Variants in FBXL7 observed in about 807,000 individuals in gnomAD.
FBXL7 encodes the protein F-box/LRR-repeat protein 7.
In FBXL7, 12 loss-of-function variants were observed where a neutral mutation model predicts 38.3. The observed-to-expected ratio is 0.31, with a 90% CI of 0.20 to 0.51. The LOEUF (loss-of-function observed/expected upper bound fraction) is 0.51. Among genes scored for constraint, FBXL7 ranks in the 20% least tolerant of loss-of-function variants. The pLI, the probability that FBXL7 is intolerant of heterozygous loss-of-function variation, is 0.98. For synonymous variants in FBXL7, 297 were observed against 300.9 expected, an observed-to-expected ratio of 0.99 and a Z score of 0.13; for missense variants, 567 against 676.4, an observed-to-expected ratio of 0.84 and a Z score of 1.79.
intron 1 of FBXL7, among the ~76,000 whole-genome samples, chr5:15,526,443 A>G (rs776487062): frequency 1.6e-4 from 24 of 152,322 alleles, no homozygotes; most frequent in Middle Eastern, 3.4e-3. Flanking sequence ...CAAGAATTCC[A>G]AAGGCGTCTT....
chr5:15,863,345 T>A (rs1739561429), intron 2 of FBXL7, among the ~76,000 whole-genome samples: 1 of 152,202 alleles, frequency 6.6e-6, no homozygotes, highest in Admixed American at 6.5e-5. Flanking sequence ...TAAGGGCCCA[T>A]TTTTATTTAA....
intron 2 of FBXL7, among the ~76,000 whole-genome samples, chr5:15,671,567 G>A (rs1742478465): frequency 2.0e-5 from 3 of 152,074 alleles, no homozygotes; most frequent in Non-Finnish European, 4.4e-5. Flanking sequence ...CTTGATCTTA[G>A]CCGAAAGGCT....
chr5:15,538,599 G>A (rs1222743536), intron 1 of FBXL7, among the ~76,000 whole-genome samples: 4 of 152,208 alleles, frequency 2.6e-5, no homozygotes, highest in Non-Finnish European at 5.9e-5. Context: ...TTTTCAAGAA[G>A]TTACTGGCAT....
chr5:15,899,119 T>G (rs547440628), intron 2 of FBXL7, among the ~76,000 whole-genome samples: 27 of 152,242 alleles, frequency 1.8e-4, no homozygotes, highest in African/African-American at 6.3e-4. Flanking sequence ...CAGGCTGGAG[T>G]GCAATGGTGC....
At chr5:15,758,349 G>A (rs917012673) in intron 2 of FBXL7, among the ~76,000 whole-genome samples, 1 of 151,126 alleles carries the variant, frequency 6.6e-6, no homozygotes, top group Non-Finnish European at 1.5e-5. Flanking sequence ...GCAGGTACAT[G>A]TGCAGGTTTG....
intron 2 of FBXL7, among the ~76,000 whole-genome samples, chr5:15,788,571 C>T (rs968889691): frequency 1.3e-5 from 2 of 152,190 alleles, no homozygotes; most frequent in African/African-American, 4.8e-5. Flanking sequence ...GCCTCCACCT[C>T]CTTGAACCTT....
At chr5:15,848,947 A>AT (rs1739011511) in intron 2 of FBXL7, among the ~76,000 whole-genome samples, 2 of 152,174 alleles carry the variant, frequency 1.3e-5, no homozygotes, top group African/African-American at 4.8e-5. Context: ...AGTCTGGATT[A>AT]TTGTCTCTTT....
chr5:15,746,552 A>G (rs1046827104), intron 2 of FBXL7, among the ~76,000 whole-genome samples: 1 of 151,914 alleles, frequency 6.6e-6, no homozygotes, highest in African/African-American at 2.4e-5. Flanking sequence ...GGAGTGAGGG[A>G]TTTCTCTGTG....
chr5:15,515,488 A>G (rs755168747), intron 1 of FBXL7, among the ~76,000 whole-genome samples: 4 of 152,152 alleles, frequency 2.6e-5, no homozygotes, highest in Non-Finnish European at 5.9e-5. Context: ...CGTTTGCTCA[A>G]CTGGTGTGGA....
intron 1 of FBXL7, among the ~76,000 whole-genome samples, chr5:15,576,835 C>A (rs1738982878): frequency 1.3e-5 from 2 of 152,082 alleles, no homozygotes; most frequent in Admixed American, 1.3e-4. Flanking sequence ...CACCATTTTT[C>A]TGCTACTCTG....
At chr5:15,503,063 C>A (rs1736541312) in intron 1 of FBXL7, among the ~76,000 whole-genome samples, 1 of 151,934 alleles carries the variant, frequency 6.6e-6, no homozygotes, top group Admixed American at 6.6e-5. Flanking sequence ...TATTTGAGTC[C>A]CTGTGAACTG....
intron 2 of FBXL7, among the ~76,000 whole-genome samples, chr5:15,885,593 G>A (rs574701600): frequency 2.0e-5 from 3 of 152,156 alleles, no homozygotes; most frequent in South Asian, 2.1e-4. Context: ...GAAACTCCAA[G>A]GACATTTTCC....
chr5:15,861,510 G>A (rs753847810), intron 2 of FBXL7, among the ~76,000 whole-genome samples: 24 of 152,282 alleles, frequency 1.6e-4, no homozygotes, highest in Non-Finnish European at 2.6e-4. Context: ...CTGACTCAGT[G>A]GGAAACTACA....
rs58132307 is a variant in FBXL7 at position 15,937,554 on chromosome 5, C to CA, written c.*368_*369insA. 0.22 allele frequency: 40,527 copies of CA among 186,056 alleles called. 6,085 individuals are homozygous for CA. Among genetic ancestry groups the CA allele is most frequent in the African/African-American group, 0.38 (13,608 of 35,546 alleles). The allele number at this position is 186,056 out of a possible 1,614,324, so 11.5% of individuals were successfully genotyped here. A position where few individuals can be genotyped will look rare whatever the true frequency, so the allele number is the denominator to read the frequency against. Reference sequence around the variant, plus strand: ...CACCCCCACAGTTCCACGCCCCCCCCCCAAGGCCACACCCTCCCTCCCTAG... The same window carrying CA: ...CACCCCCACAGTTCCACGCCCCCCCCACCAAGGCCACACCCTCCCTCCCTAG... On this transcript the variant is annotated 3_prime_UTR_variant, in exon 4 of 4. Transcript: ENST00000504595.
intron 2 of FBXL7, among the ~76,000 whole-genome samples, chr5:15,818,384 C>T (rs1019930882): frequency 1.3e-5 from 2 of 152,024 alleles, no homozygotes; most frequent in Admixed American, 1.3e-4. Flanking sequence ...TGGGGAAGCC[C>T]ATTTCTAAGT....
intron 2 of FBXL7, among the ~76,000 whole-genome samples, chr5:15,735,731 C>T (rs1434863122): frequency 6.6e-6 from 1 of 152,088 alleles, no homozygotes; most frequent in Non-Finnish European, 1.5e-5. Context: ...GAGCAGATGA[C>T]CTGAGGGAAG....
intron 2 of FBXL7, among the ~76,000 whole-genome samples, chr5:15,830,210 G>A (rs755676922): frequency 8.6e-5 from 13 of 152,046 alleles, no homozygotes; most frequent in South Asian, 4.2e-4. Context: ...GTGGCTGGGC[G>A]TGGTGGCTCA....
At chr5:15,775,779 A>G (rs142348288) in intron 2 of FBXL7, among the ~76,000 whole-genome samples, 192 of 152,286 alleles carry the variant, frequency 1.3e-3, no homozygotes, top group African/African-American at 4.1e-3. Flanking sequence ...CAGTCTTTTT[A>G]CATGTTGATA....
intron 2 of FBXL7, among the ~76,000 whole-genome samples, chr5:15,749,311 T>C (rs1163414005): frequency 6.7e-6 from 1 of 150,332 alleles, no homozygotes; most frequent in Non-Finnish European, 1.5e-5. Context: ...CTTAGAAGGA[T>C]TTATTGACAA....
Sources: allele counts gnomAD v4.1 joint callset (sites outside exome capture counted in the v4.1 genomes callset), GRCh38; gene constraint gnomAD v4.1.1; transcripts MANE v1.5; gene names NCBI Gene and HGNC (gene_info 2026-07-23, HGNC 2026-07-21).